Variants in KIAA0825 observed in about 807,000 individuals in gnomAD.
KIAA0825 encodes the protein uncharacterized protein KIAA0825.
Under a neutral mutation model 147.6 loss-of-function variants are expected in KIAA0825, and 119 were observed. The ratio of observed to expected loss-of-function variants is 0.81; its 90% CI spans 0.69 to 0.94. The LOEUF is 0.94. Ranked by LOEUF, KIAA0825 falls within the 40% of genes least tolerant of loss-of-function variation. The probability of loss-of-function intolerance (pLI) is 0.00; values close to 1 mark genes in which losing one functional copy is unlikely to be tolerated. For missense variants in KIAA0825, 1,381 were observed against 1,472.7 expected (o/e 0.94, Z 1.02); for synonymous variants, 470 against 518.1 (o/e 0.91, Z 1.26).
intron 2 of KIAA0825, among the ~76,000 whole-genome samples, chr5:94,563,193 AAC>A (rs1161957853): frequency 9.6e-6 from 1 of 103,704 alleles, no homozygotes; most frequent in Non-Finnish European, 2.3e-5. Context: ...TACCAAAAAA[AAC>A]AAAAAAAAAA....
intron 11 of KIAA0825, among the ~76,000 whole-genome samples, chr5:94,463,720 A>G (rs1451292284): frequency 6.6e-6 from 1 of 151,718 alleles, no homozygotes. Flanking sequence ...GAAAATAAAA[A>G]CCAAAAGTCT....
intron 5 of KIAA0825, among the ~76,000 whole-genome samples, chr5:94,516,525 C>G (rs1337322840): frequency 6.6e-6 from 1 of 152,010 alleles, no homozygotes; most frequent in South Asian, 2.1e-4. Context: ...AAACGTGGGC[C>G]GGGCGCGGTG....
At chr5:94,197,795 A>C (rs1027235864) in intron 20 of KIAA0825, among the ~76,000 whole-genome samples, 1 of 151,952 alleles carries the variant, frequency 6.6e-6, no homozygotes, top group Non-Finnish European at 1.5e-5. Context: ...GTGAAGTTTT[A>C]TTTCTGGATT....
At chr5:94,432,871 A>G (rs1755869087) in intron 14 of KIAA0825, among the ~76,000 whole-genome samples, 1 of 152,050 alleles carries the variant, frequency 6.6e-6, no homozygotes, top group African/African-American at 2.4e-5. Context: ...AATAATAAAG[A>G]ACTAAAAGAA....
chr5:94,471,753 A>G (rs1761234638), intron 8 of KIAA0825, 22 bp from the exon 9 acceptor site: 2 of 1,550,436 alleles, frequency 1.3e-6, no homozygotes, highest in Admixed American at 3.9e-5. Flanking sequence ...TAAATGTGGC[A>G]CTGAGTTATT....
intron 20 of KIAA0825, among the ~76,000 whole-genome samples, chr5:94,373,080 A>G (rs1453393464): frequency 2.0e-5 from 3 of 152,202 alleles, no homozygotes; most frequent in Non-Finnish European, 4.4e-5. Flanking sequence ...TGTCCGTATC[A>G]CTACTAGCAT....
Position 94,542,572 on chromosome 5 carries a change from C to T in KIAA0825, c.-1-5445G>A, listed in dbSNP as rs147514350. Among the ~76,000 whole-genome samples the T allele has an allele frequency of 2.2e-4, 33 of 152,140 alleles. No individual in the cohort carries two copies. In the South Asian group the frequency reaches 2.7e-3, roughly 12 times the overall value. ...CCGTAGTCCCAGCACTTTGGGAGTCCGAGGCAGAGGGATCACCTGAGGTCA... is the reference window on the plus strand; with the variant it reads ...CCGTAGTCCCAGCACTTTGGGAGTCTGAGGCAGAGGGATCACCTGAGGTCA... On this transcript the variant is annotated intron_variant, in intron 2 of 20. Transcript: ENST00000682413.
At chr5:94,421,042 T>C (rs1319588720) in intron 14 of KIAA0825, among the ~76,000 whole-genome samples, 1 of 152,196 alleles carries the variant, frequency 6.6e-6, no homozygotes, top group African/African-American at 2.4e-5. Context: ...CTTTCTTGGA[T>C]TCAGAGTTCC....
chr5:94,590,092 C>A lies in KIAA0825; in HGVS notation c.-152-7509G>T, dbSNP rs564139931. 3.3e-5 allele frequency among the ~76,000 whole-genome samples: 5 copies of A among 152,084 alleles called. No homozygotes were observed. In the South Asian group the frequency reaches 8.3e-4, roughly 25 times the overall value. ...GCAACCTCTGCTTCCCAGGTTCAAG[C>A]GATTCTCCTGCCTCAGCATCCCCAT... On this transcript the variant is annotated intron_variant, in intron 1 of 20. Coordinates refer to ENST00000682413, the MANE Select transcript of KIAA0825 (RefSeq NM_001145678.3).
chr5:94,369,149 C>A (rs1746297700), intron 20 of KIAA0825, among the ~76,000 whole-genome samples: 1 of 151,476 alleles, frequency 6.6e-6, no homozygotes, highest in Non-Finnish European at 1.5e-5. Context: ...CAGAGTGAGA[C>A]CTAGACAAAT....
intron 5 of KIAA0825, among the ~76,000 whole-genome samples, chr5:94,493,357 A>G (rs561624326): frequency 6.6e-6 from 1 of 152,234 alleles, no homozygotes; most frequent in Non-Finnish European, 1.5e-5. Context: ...AAAATAACTA[A>G]TGGTGTCACC....
chr5:94,566,268 G>A lies in KIAA0825; in HGVS notation c.-2+16165C>T, dbSNP rs561705979. On this transcript the variant is annotated intron_variant, in intron 2 of 20. Transcript: ENST00000682413. ...GCACTTAGAAAAGGGGAAACTGAACGTGAGAAGGAGGGAATGAAGCATATT... is the reference window on the plus strand; with the variant it reads ...GCACTTAGAAAAGGGGAAACTGAACATGAGAAGGAGGGAATGAAGCATATT... 2.5e-4 allele frequency among the ~76,000 whole-genome samples: 38 copies of A among 152,232 alleles called. 1 individual carries two copies. The South Asian group carries it at 4.8e-3, about 19-fold the overall frequency.
intron 2 of KIAA0825, among the ~76,000 whole-genome samples, chr5:94,550,208 C>T (rs1775257903): frequency 6.6e-6 from 1 of 152,138 alleles, no homozygotes; most frequent in Non-Finnish European, 1.5e-5. Context: ...AAACTCTGGT[C>T]CTGCACAGCT....
At chr5:94,389,572 T>A (rs946000660) in intron 18 of KIAA0825, among the ~76,000 whole-genome samples, 2 of 152,234 alleles carry the variant, frequency 1.3e-5, no homozygotes, top group African/African-American at 4.8e-5. Context: ...GCACACCCAT[T>A]CTTCCCCTCA....
chr5:94,471,129 TG>T (rs1312043406), intron 9 of KIAA0825, among the ~76,000 whole-genome samples: 1 of 152,206 alleles, frequency 6.6e-6, no homozygotes, highest in Non-Finnish European at 1.5e-5. Flanking sequence ...CTTTTCAGTG[TG>T]GTCAGTATAA....
chr5:94,354,331 A>G (rs1784019862), intron 20 of KIAA0825, among the ~76,000 whole-genome samples: 1 of 152,174 alleles, frequency 6.6e-6, no homozygotes. Context: ...TCCTTAAAGT[A>G]GTGTTTCAAT....
At chr5:94,374,037 A>T (rs1349871723) in intron 20 of KIAA0825, among the ~76,000 whole-genome samples, 1 of 152,224 alleles carries the variant, frequency 6.6e-6, no homozygotes, top group African/African-American at 2.4e-5. Flanking sequence ...TTGCAAAAAA[A>T]ATTACAGAGG....
Position 94,520,536 on chromosome 5 carries a change from A to G in KIAA0825, c.682T>C (p.Phe228Leu). Reference protein sequence around the residue: ...KLLANLLWNCFPSYNRDSNLD... With the variant: ...KLLANLLWNCLPSYNRDSNLD... Reference sequence around the variant, plus strand: ...TTTGAATCTCTGTTGTAAGAAGGAAAGCAGTTCCACAGAAGATTAGCCAAC... The same window carrying G: ...TTTGAATCTCTGTTGTAAGAAGGAAGGCAGTTCCACAGAAGATTAGCCAAC... The change falls in exon 5 of 21, where the codon TTT (phenylalanine) becomes CTT (leucine). Residue 228 changes from phenylalanine to leucine, a missense_variant. By Grantham distance (22) the Phe-to-Leu change is conservative. Transcript: ENST00000682413. 1 of 1,613,286 alleles carries G rather than the reference A, an allele frequency of 6.2e-7. No individual in the cohort carries two copies. Among genetic ancestry groups the G allele is most frequent in the Non-Finnish European group, 8.5e-7 (1 of 1,179,344 alleles).
chr5:94,353,193 T>G (rs1783889292), intron 20 of KIAA0825, among the ~76,000 whole-genome samples: 1 of 152,180 alleles, frequency 6.6e-6, no homozygotes, highest in Non-Finnish European at 1.5e-5. Flanking sequence ...AACTATTTAT[T>G]AGAATAATGA....
Sources: allele counts gnomAD v4.1 joint callset (sites outside exome capture counted in the v4.1 genomes callset), GRCh38; gene constraint gnomAD v4.1.1; transcripts MANE v1.5; gene names NCBI Gene and HGNC (gene_info 2026-07-23, HGNC 2026-07-21).